RPRD1A: variants seen among roughly 807,000 people sequenced by gnomAD.
RPRD1A encodes regulation of nuclear pre-mRNA domain-containing protein 1A.
A neutral mutation model predicts 37.8 loss-of-function variants in RPRD1A; 9 were observed. The ratio of observed to expected loss-of-function variants is 0.24; its 90% confidence interval spans 0.14 to 0.42. The LOEUF (loss-of-function observed/expected upper bound fraction) is 0.42, where lower values mean the gene tolerates loss of function less well. RPRD1A is among the 10% of genes least tolerant of loss of function. RPRD1A has a pLI of 1.00. For missense variants in RPRD1A, 255 were observed against 371.0 expected (o/e 0.69, Z 2.57); for synonymous variants, 138 against 139.7 (o/e 0.99, Z 0.08).
chr18:36,007,992 A>C (rs1909857498), intron 6 of RPRD1A, among the ~76,000 whole-genome samples: 1 of 151,722 alleles, frequency 6.6e-6, no homozygotes, highest in Non-Finnish European at 1.5e-5. Context: ...TCATGCTTAT[A>C]GTCTCAGCCA....
intron 1 of RPRD1A, among the ~76,000 whole-genome samples, chr18:36,047,777 T>C (rs1913061081): frequency 6.6e-6 from 1 of 152,182 alleles, no homozygotes; most frequent in South Asian, 2.1e-4. Flanking sequence ...TCACTCAATA[T>C]GAAACAGATA....
chr18:36,004,774 A>G (rs1007861773), intron 6 of RPRD1A, among the ~76,000 whole-genome samples: 4 of 152,140 alleles, frequency 2.6e-5, no homozygotes, highest in Admixed American at 2.0e-4. Flanking sequence ...GCGGTGGCAC[A>G]CACTTGTAAT....
intron 6 of RPRD1A, among the ~76,000 whole-genome samples, chr18:36,021,113 C>A (rs908052592): frequency 6.6e-6 from 1 of 152,120 alleles, no homozygotes; most frequent in Non-Finnish European, 1.5e-5. Flanking sequence ...AATTAAGAAA[C>A]TAGTCACATG....
chr18:35,994,803 C>T (rs547477621), intron 6 of RPRD1A, among the ~76,000 whole-genome samples: 55 of 152,250 alleles, frequency 3.6e-4, no homozygotes, highest in African/African-American at 1.3e-3. Context: ...TCATTTTGCC[C>T]CTCCCTTCTC....
intron 1 of RPRD1A, among the ~76,000 whole-genome samples, chr18:36,041,223 C>T (rs567280565): frequency 1.3e-5 from 2 of 152,258 alleles, no homozygotes; most frequent in Admixed American, 1.3e-4. Flanking sequence ...CATTAATAAT[C>T]CCCACGTATC....
intron 6 of RPRD1A, among the ~76,000 whole-genome samples, chr18:36,024,020 C>T (rs187364358): frequency 1.2e-4 from 18 of 152,294 alleles, no homozygotes; most frequent in Middle Eastern, 6.8e-3. Flanking sequence ...AATAAGCTAA[C>T]TGAAAAACAG....
At chr18:36,008,575 G>GTGTGTGTATGTATGTA (rs1555670677) in intron 6 of RPRD1A, among the ~76,000 whole-genome samples, 1 of 42,374 alleles carries the variant, frequency 2.4e-5, no homozygotes, top group Non-Finnish European at 4.8e-5. Flanking sequence ...GACCTTGTGT[G>GTGTGTGTATGTATGTA]TGTATATATA....
At chr18:36,010,079 A>G (rs555205815) in intron 6 of RPRD1A, among the ~76,000 whole-genome samples, 5 of 151,864 alleles carry the variant, frequency 3.3e-5, no homozygotes, top group African/African-American at 4.8e-5. Context: ...ATATGGTATG[A>G]TATGTTAGTT....
intron 1 of RPRD1A, chr18:36,040,994 A>C (rs1450567461): frequency 1.8e-6 from 1 of 551,874 alleles, no homozygotes; most frequent in East Asian, 3.2e-5. Flanking sequence ...AGAATTCCCC[A>C]TTAGAGTTTA....
At chr18:36,001,776 G>A (rs564736320) in intron 6 of RPRD1A, among the ~76,000 whole-genome samples, 26 of 152,250 alleles carry the variant, frequency 1.7e-4, no homozygotes, top group African/African-American at 5.8e-4. Context: ...CTTATGTACC[G>A]AATATAGTTA....
intron 6 of RPRD1A, among the ~76,000 whole-genome samples, chr18:36,011,292 C>T (rs910536072): frequency 6.6e-6 from 1 of 152,116 alleles, no homozygotes; most frequent in Non-Finnish European, 1.5e-5. Flanking sequence ...AGGACTGAAA[C>T]TTAGGTAATA....
At chr18:36,025,434 T>C (rs1598625446) in intron 6 of RPRD1A, 2 of 322,388 alleles carry the variant, frequency 6.2e-6, no homozygotes, top group South Asian at 5.3e-5. Flanking sequence ...GAAAAGGGGG[T>C]TGTGGGGAGT....
intron 1 of RPRD1A, among the ~76,000 whole-genome samples, chr18:36,046,027 T>C (rs760734368): frequency 1.3e-5 from 2 of 152,198 alleles, no homozygotes; most frequent in Admixed American, 1.3e-4. Context: ...CCAAGAGTCA[T>C]AGTTAACTTT....
At chr18:36,061,890 G>A (rs1441741639) in intron 1 of RPRD1A, among the ~76,000 whole-genome samples, 2 of 152,146 alleles carry the variant, frequency 1.3e-5, no homozygotes, top group East Asian at 1.9e-4. Context: ...AGTGTCATTA[G>A]TCATCTGGGA....
chr18:36,043,276 TA>T (rs59274897), intron 1 of RPRD1A, among the ~76,000 whole-genome samples: 34,148 of 150,508 alleles, frequency 0.23, 3,962 homozygotes, highest in African/African-American at 0.24. Flanking sequence ...ATTACATGAT[TA>T]ATCTGAGCCT....
chr18:35,995,260 C>CTTTTTTTT (rs1568109883), intron 6 of RPRD1A, among the ~76,000 whole-genome samples: 2 of 130,414 alleles, frequency 1.5e-5, no homozygotes, highest in African/African-American at 2.9e-5. Context: ...TGCTTTTTTT[C>CTTTTTTTT]GTTTTTTTTT....
At chr18:36,025,402 ATG>A in intron 6 of RPRD1A, 1 of 325,850 alleles carries the variant, frequency 3.1e-6, no homozygotes, top group Non-Finnish European at 5.9e-6. Flanking sequence ...CAACTATGAA[ATG>A]TGGCTGGAAG....
intron 1 of RPRD1A, among the ~76,000 whole-genome samples, chr18:36,051,173 G>T (rs1473096318): frequency 6.6e-6 from 1 of 152,094 alleles, no homozygotes; most frequent in African/African-American, 2.4e-5. Context: ...TAATGATTAG[G>T]TGCTACTGGT....
intron 1 of RPRD1A, among the ~76,000 whole-genome samples, chr18:36,066,905 C>A (rs2089042041): frequency 6.6e-6 from 1 of 152,162 alleles, no homozygotes; most frequent in African/African-American, 2.4e-5. Context: ...TCTTTCCACT[C>A]CCCTACCTTC....
Sources: gnomAD v4.1 joint callset for allele counts (sites outside exome capture counted in the v4.1 genomes callset) on GRCh38, gnomAD v4.1.1 for gene constraint, MANE v1.5 for transcripts, NCBI Gene and HGNC (gene_info 2026-07-23, HGNC 2026-07-21) for gene names.